The following BCKDHB variants were observed in gnomAD, a reference collection of about 807,000 sequenced individuals.
The protein encoded by BCKDHB is branched chain keto acid dehydrogenase E1 subunit beta.
In BCKDHB, 41 loss-of-function variants were observed where a neutral mutation model predicts 48.5. The observed-to-expected ratio is 0.85, with a 90% CI of 0.66 to 1.10. The LOEUF is 1.10. Ranked by LOEUF, BCKDHB falls within the 50% of genes least tolerant of loss-of-function variation. The pLI is 0.00. For missense variants in BCKDHB, 496 were observed against 494.2 expected, an observed-to-expected ratio of 1.00 and a Z score of -0.03; for synonymous variants, 201 against 174.8, an observed-to-expected ratio of 1.15 and a Z score of -1.18.
intron 9 of BCKDHB, among the ~76,000 whole-genome samples, chr6:80,330,797 C>T (rs948634090): frequency 1.3e-5 from 2 of 152,108 alleles, no homozygotes; most frequent in Non-Finnish European, 2.9e-5. Flanking sequence ...TGTCAGTTTT[C>T]CTTCTCATAT....
chr6:80,345,677 G>C lies in BCKDHB; in HGVS notation c.*1873G>C, dbSNP rs1582604231. The C allele has an allele frequency of 2.0e-5, 3 of 152,328 alleles. No homozygotes were observed. The highest frequency in any genetic ancestry group is 2.0e-4 in the Admixed American group (3 of 15,298). 9.4% of individuals were successfully genotyped at this position (152,328 alleles called of 1,614,324 possible). A position where few individuals can be genotyped will look rare whatever the true frequency, so the allele number is the denominator to read the frequency against. On this transcript the variant is annotated 3_prime_UTR_variant, in exon 10 of 10. Coordinates refer to ENST00000320393, the MANE Select transcript of BCKDHB (RefSeq NM_183050.4). ...TGGCATCTACAATAAATCACACTTA[G>C]AGCTGGTTAGAGGACTCCTTCACTT...
the BCKDHB span, among the ~76,000 whole-genome samples, chr6:80,388,394 T>C: frequency 6.6e-6 from 1 of 152,164 alleles, no homozygotes; most frequent in African/African-American, 2.4e-5. Flanking sequence ...TGCAGATAAC[T>C]ACTCTCCTTT....
At chr6:80,282,139 T>C (rs2127976004) in intron 9 of BCKDHB, among the ~76,000 whole-genome samples, 1 of 152,282 alleles carries the variant, frequency 6.6e-6, no homozygotes, top group African/African-American at 2.4e-5. Flanking sequence ...TAATAGGGCC[T>C]TTATTTAAAG....
In BCKDHB at chr6:80,162,131, G is replaced by A. The variant is rs572268254; in HGVS notation, c.344-5547G>A. 6.6e-5 allele frequency among the ~76,000 whole-genome samples: 10 copies of A among 152,240 alleles called. No individual in the cohort carries two copies. The South Asian group carries it at 2.1e-3, about 32-fold the overall frequency. ...AAGTTCCGGGGCACTCATGTTGCCT[G>A]CCATCATGCTGCATGTTCCGGGTCC... On this transcript the variant is annotated intron_variant, in intron 3 of 9. Coordinates refer to ENST00000320393, the MANE Select transcript of BCKDHB (RefSeq NM_183050.4).
At chr6:80,356,961 C>CCCA in the BCKDHB span, 1 of 102,490 alleles carries the variant, frequency 9.8e-6, no homozygotes, top group African/African-American at 4.0e-5. Flanking sequence ...CGCCCCCCCC[C>CCCA]CACACACACG....
the BCKDHB span, among the ~76,000 whole-genome samples, chr6:80,405,981 C>T: frequency 3.3e-5 from 5 of 152,036 alleles, no homozygotes; most frequent in East Asian, 3.9e-4. Flanking sequence ...CCTCCAGGCC[C>T]CCGCCCCCAC....
chr6:80,250,149 C>T (rs1776776895), intron 8 of BCKDHB, among the ~76,000 whole-genome samples: 1 of 152,082 alleles, frequency 6.6e-6, no homozygotes, highest in East Asian at 1.9e-4. Flanking sequence ...CTGCCGGCCT[C>T]CCCAACAGCC....
intron 8 of BCKDHB, among the ~76,000 whole-genome samples, chr6:80,254,673 C>G (rs1189288882): frequency 6.6e-6 from 1 of 152,156 alleles, no homozygotes; most frequent in East Asian, 1.9e-4. Flanking sequence ...GCACTCCAGG[C>G]AGACTGACAG....
chr6:80,296,676 AG>A (rs1767269153), intron 9 of BCKDHB, among the ~76,000 whole-genome samples: 1 of 152,186 alleles, frequency 6.6e-6, no homozygotes, highest in South Asian at 2.1e-4. Context: ...TGAGCAGATC[AG>A]TGCTATGAAA....
chr6:80,261,927 C>T (rs1301835965), intron 8 of BCKDHB, among the ~76,000 whole-genome samples: 4 of 152,070 alleles, frequency 2.6e-5, no homozygotes, highest in Non-Finnish European at 5.9e-5. Flanking sequence ...TCAGTTTGTA[C>T]AGGCTCATTT....
chr6:80,435,319 T>C, the BCKDHB span, among the ~76,000 whole-genome samples: 1 of 152,168 alleles, frequency 6.6e-6, no homozygotes, highest in Admixed American at 6.5e-5. Flanking sequence ...AATTTATATT[T>C]AGGAGCCAAT....
intron 3 of BCKDHB, among the ~76,000 whole-genome samples, chr6:80,135,668 T>C (rs1308816132): frequency 6.6e-6 from 1 of 152,190 alleles, no homozygotes; most frequent in African/African-American, 2.4e-5. Context: ...TTTCTAAAAA[T>C]TATGGTCAAA....
intron 8 of BCKDHB, among the ~76,000 whole-genome samples, chr6:80,239,605 A>G (rs560412512): frequency 1.3e-5 from 2 of 152,242 alleles, no homozygotes; most frequent in South Asian, 4.1e-4. Flanking sequence ...TCTTTAGTTT[A>G]ATTAGATCCC....
At chr6:80,326,097 G>A (rs1193738368) in intron 9 of BCKDHB, among the ~76,000 whole-genome samples, 2 of 152,142 alleles carry the variant, frequency 1.3e-5, no homozygotes, top group African/African-American at 4.8e-5. Flanking sequence ...AGTGTAGGAT[G>A]TTAATAATAT....
intron 6 of BCKDHB, among the ~76,000 whole-genome samples, chr6:80,190,334 A>G (rs749800624): frequency 6.6e-6 from 1 of 152,102 alleles, no homozygotes; most frequent in African/African-American, 2.4e-5. Context: ...AGTTTTTGCA[A>G]TTTTTCAAGA....
chr6:80,200,826 A>G, intron 6 of BCKDHB, 108 bp from the exon 7 acceptor site: 1 of 904,108 alleles, frequency 1.1e-6, no homozygotes, highest in Middle Eastern at 3.3e-4. Flanking sequence ...ATTTAGAGAA[A>G]CAAAAAATAA....
intron 8 of BCKDHB, among the ~76,000 whole-genome samples, chr6:80,221,164 C>T (rs1453220778): frequency 1.3e-5 from 2 of 152,188 alleles, no homozygotes; most frequent in African/African-American, 4.8e-5. Flanking sequence ...TCTCTACCTG[C>T]TCATGAGCTC....
At chr6:80,193,073 C>T (rs531629509) in intron 6 of BCKDHB, among the ~76,000 whole-genome samples, 11 of 152,176 alleles carry the variant, frequency 7.2e-5, no homozygotes, top group East Asian at 1.9e-4. Flanking sequence ...CTGCCCATCT[C>T]GGTCTCCAAA....
chr6:80,139,420 G>T (rs545251119), intron 3 of BCKDHB, among the ~76,000 whole-genome samples: 1 of 151,960 alleles, frequency 6.6e-6, no homozygotes, highest in Non-Finnish European at 1.5e-5. Flanking sequence ...TTTCTTCTAG[G>T]GTTTTTATGG....
Sources: gnomAD v4.1 joint callset for allele counts (sites outside exome capture counted in the v4.1 genomes callset) on GRCh38, gnomAD v4.1.1 for gene constraint, MANE v1.5 for transcripts, NCBI Gene and HGNC (gene_info 2026-07-23, HGNC 2026-07-21) for gene names.